Variants in ZNF705G observed in about 807,000 individuals in gnomAD.
ZNF705G encodes putative zinc finger protein 705G.
Under a neutral mutation model 19.6 loss-of-function variants are expected in ZNF705G, and 23 were observed. The observed-to-expected ratio is 1.17, with a 90% confidence interval of 0.84 to 1.66. The LOEUF is 1.66. Ranked by LOEUF, ZNF705G falls within the 40% of genes most tolerant of loss-of-function variation. ZNF705G has a pLI of 0.00. For missense variants in ZNF705G, 457 were observed against 354.4 expected, an observed-to-expected ratio of 1.29 and a Z score of -2.32; for synonymous variants, 146 against 117.7, an observed-to-expected ratio of 1.24 and a Z score of -1.56.
intron 2 of ZNF705G, among the ~76,000 whole-genome samples, chr8:7,379,332 C>T (rs763758891): frequency 9.5e-5 from 14 of 147,212 alleles, no homozygotes; most frequent in Non-Finnish European, 1.9e-4. Flanking sequence ...ACCAACTGTC[C>T]CTTTAATATA....
At chr8:7,358,872 AAT>A (rs1297681566) in intron 6 of ZNF705G, among the ~76,000 whole-genome samples, 1 of 149,360 alleles carries the variant, frequency 6.7e-6, no homozygotes, top group African/African-American at 2.6e-5. Context: ...GAGCTGTTAA[AAT>A]TGCACCATGG....
Position 7,374,826 on chromosome 8 carries a change from C to T in ZNF705G, c.-72+6626G>A, listed in dbSNP as rs1398892017. ...AAGGTAGGTGACTAGACAAGACAGC[C>T]TATGTTCATTGTAACTCTATCTTTT... is the stretch of plus-strand genomic sequence containing the variant. On this transcript the variant is annotated intron_variant, in intron 2 of 6. Transcript: ENST00000400156. Among the ~76,000 whole-genome samples the T allele has an allele frequency of 4.7e-5, 4 of 85,308 alleles. 2 individuals are homozygous for T. Among genetic ancestry groups the T allele is most frequent in the Non-Finnish European group, 8.9e-5 (4 of 44,842 alleles). The allele number at this position is 85,308 out of a possible 152,430, so 56.0% of individuals were successfully genotyped here.
chr8:7,367,985 C>A (rs1248641898), intron 2 of ZNF705G, among the ~76,000 whole-genome samples: 1 of 149,652 alleles, frequency 6.7e-6, no homozygotes. Context: ...TATCTACCTT[C>A]CAAGGCAAGT....
intron 2 of ZNF705G, among the ~76,000 whole-genome samples, chr8:7,370,781 C>T (rs1240380814): frequency 2.5e-5 from 3 of 119,278 alleles, no homozygotes; most frequent in African/African-American, 7.7e-5. Flanking sequence ...CATTGCAGCA[C>T]TATTCACAAC....
chr8:7,361,489 T>C (rs1806593415), intron 3 of ZNF705G, among the ~76,000 whole-genome samples: 1 of 149,746 alleles, frequency 6.7e-6, no homozygotes, highest in Admixed American at 6.6e-5. Flanking sequence ...ACCCAGATAT[T>C]TTTCAGTAAT....
intron 2 of ZNF705G, among the ~76,000 whole-genome samples, chr8:7,366,284 G>C (rs1292628675): frequency 6.7e-6 from 1 of 149,268 alleles, no homozygotes; most frequent in Non-Finnish European, 1.5e-5. Context: ...TTCAGGAATG[G>C]TGAAAGTGGA....
intron 1 of ZNF705G, among the ~76,000 whole-genome samples, chr8:7,381,990 A>G (rs1279713143): frequency 6.6e-6 from 1 of 152,220 alleles, no homozygotes; most frequent in Non-Finnish European, 1.5e-5. Context: ...AGTTTATTGC[A>G]CTTTTGTTTC....
intron 3 of ZNF705G, 107 bp downstream of exon 3, chr8:7,362,828 C>G: frequency 6.3e-7 from 1 of 1,585,572 alleles, no homozygotes; most frequent in Non-Finnish European, 8.5e-7. Context: ...TAAAAACAAA[C>G]AAACAAAAAA....
rs751511634 is a variant in ZNF705G at position 7,358,333 on chromosome 8, A to T, written c.546T>A (p.Thr182=). 2 of 1,607,696 alleles carry T rather than the reference A, an allele frequency of 1.2e-6. No individual in the cohort carries two copies. The highest frequency in any genetic ancestry group is 1.1e-5 in the South Asian group (1 of 90,720). The stretch of plus-strand genomic sequence containing the variant: ...TGTGCCGTCTAAGGTGAAAGCAATT[A>T]GTATAGGCCTTTTCACATAGATTAC... The part of the protein sequence containing the change: ...YQCNLCEKAY[T]NCFHLRRHKM... The change falls in exon 7 of 7, where the codon ACT becomes ACA. Residue 182 remains threonine, a synonymous_variant. Transcript: ENST00000400156.
chr8:7,359,980 T>C (rs1484625509), intron 5 of ZNF705G, among the ~76,000 whole-genome samples: 2 of 149,236 alleles, frequency 1.3e-5, no homozygotes, highest in Non-Finnish European at 1.5e-5. Flanking sequence ...AGAGTCAGCA[T>C]ATGAAAGTTT....
chr8:7,360,858 G>T (rs1209356261), intron 4 of ZNF705G, among the ~76,000 whole-genome samples: 1 of 149,360 alleles, frequency 6.7e-6, no homozygotes, highest in Non-Finnish European at 1.5e-5. Context: ...GAGTATTAGA[G>T]ACTGAGTACC....
At chr8:7,369,559 A>C (rs529876665) in intron 2 of ZNF705G, among the ~76,000 whole-genome samples, 15 of 149,732 alleles carry the variant, frequency 1.0e-4, no homozygotes, top group Admixed American at 9.2e-4. Context: ...TTGTATCCAA[A>C]AGAAAATAAA....
chr8:7,368,483 A>T (rs1436655126), intron 2 of ZNF705G, among the ~76,000 whole-genome samples: 1 of 149,506 alleles, frequency 6.7e-6, no homozygotes, highest in African/African-American at 2.6e-5. Flanking sequence ...AAAAGTTTCA[A>T]TGTTCATGAT....
At position 7,355,836 on chromosome 8, in the gene ZNF705G, T is replaced by G. The variant is rs1489609523; in HGVS notation, c.*2140A>C. 2.0e-5 allele frequency: 3 copies of G among 149,638 alleles called. No homozygotes were observed. Among genetic ancestry groups the G allele is most frequent in the Admixed American group, 1.3e-4 (2 of 15,222 alleles). 9.3% of individuals were successfully genotyped at this position (149,638 alleles called of 1,614,324 possible). The stretch of plus-strand genomic sequence containing the variant: ...TATGAGCTCTGCCTGGACACAGTCC[T>G]TGCCTCTCCAACCAGTTTGCCAAGG... On this transcript the variant is annotated 3_prime_UTR_variant, in exon 7 of 7. Coordinates refer to ENST00000400156, the MANE Select transcript of ZNF705G (RefSeq NM_001164457.3).
At chr8:7,364,049 C>A (rs1806733328) in intron 2 of ZNF705G, among the ~76,000 whole-genome samples, 1 of 149,460 alleles carries the variant, frequency 6.7e-6, no homozygotes, top group African/African-American at 2.6e-5. Flanking sequence ...GCAGCTCAAT[C>A]TGATATTTTA....
chr8:7,372,277 T>C (rs1484379986), intron 2 of ZNF705G, among the ~76,000 whole-genome samples: 2 of 152,114 alleles, frequency 1.3e-5, no homozygotes, highest in African/African-American at 4.8e-5. Flanking sequence ...GAACTAAGCA[T>C]CTGTATTGCA....
At chr8:7,367,380 G>A (rs1429821332) in intron 2 of ZNF705G, among the ~76,000 whole-genome samples, 1 of 149,400 alleles carries the variant, frequency 6.7e-6, no homozygotes, top group Non-Finnish European at 1.5e-5. Flanking sequence ...CATCAAAAAT[G>A]TGAGTTAAAT....
At chr8:7,362,030 T>A (rs182061508) in intron 3 of ZNF705G, among the ~76,000 whole-genome samples, 1 of 149,712 alleles carries the variant, frequency 6.7e-6, no homozygotes, top group Non-Finnish European at 1.5e-5. Flanking sequence ...CTTTCTGTTC[T>A]CAACTTTCTC....
intron 6 of ZNF705G, among the ~76,000 whole-genome samples, chr8:7,359,337 T>G (rs1401887233): frequency 6.7e-6 from 1 of 149,820 alleles, no homozygotes; most frequent in Non-Finnish European, 1.5e-5. Context: ...TTCTGTAACA[T>G]CTCAACTGCA....
Sources: allele counts gnomAD v4.1 joint callset (sites outside exome capture counted in the v4.1 genomes callset), GRCh38; gene constraint gnomAD v4.1.1; transcripts MANE v1.5; gene names NCBI Gene and HGNC (gene_info 2026-07-23, HGNC 2026-07-21).